The following KLF8 variants were observed in gnomAD, a reference collection of about 807,000 sequenced individuals.
KLF8 encodes the protein Krueppel-like factor 8.
Under a neutral mutation model 18.2 loss-of-function variants are expected in KLF8, and 10 were observed. The observed-to-expected ratio is 0.55, with a 90% CI of 0.34 to 0.93. KLF8 has a LOEUF of 0.93. KLF8 is among the 40% of genes least tolerant of loss of function. The pLI, the probability that KLF8 is intolerant of heterozygous loss-of-function variation, is 0.02. For synonymous variants in KLF8, 109 were observed against 97.3 expected, an observed-to-expected ratio of 1.12 and a Z score of -0.71; for missense variants, 264 against 277.9, an observed-to-expected ratio of 0.95 and a Z score of 0.36.
At chrX:56,187,386 T>C in the KLF8 span, among the ~76,000 whole-genome samples, 1 of 111,443 alleles carries the variant, frequency 9.0e-6, no homozygotes, top group Non-Finnish European at 1.9e-5. Flanking sequence ...AATCAATACC[T>C]TACCAACCAA....
the KLF8 span, among the ~76,000 whole-genome samples, chrX:55,945,030 G>C: frequency 9.0e-6 from 1 of 111,169 alleles, no homozygotes; most frequent in African/African-American, 3.3e-5. Flanking sequence ...GTTATGTTGT[G>C]TCTTTGTTCT....
chrX:56,099,240 G>A, the KLF8 span, among the ~76,000 whole-genome samples: 1 of 111,436 alleles, frequency 9.0e-6, no homozygotes, highest in East Asian at 2.8e-4. Context: ...ACGGTGATCT[G>A]TGGTAATCTT....
At chrX:56,049,797 G>A in the KLF8 span, among the ~76,000 whole-genome samples, 1 of 110,242 alleles carries the variant, frequency 9.1e-6, no homozygotes, top group African/African-American at 3.3e-5. Flanking sequence ...GAGTTAGGGA[G>A]GATTCCCTCT....
the KLF8 span, among the ~76,000 whole-genome samples, chrX:56,082,810 C>A: frequency 0.036 from 4,052 of 111,405 alleles, 565 homozygotes; most frequent in East Asian, 0.64. Flanking sequence ...ATGTTGAATT[C>A]TTGGTTGGCA....
chrX:56,065,464 AT>A, the KLF8 span, among the ~76,000 whole-genome samples: 1 of 111,626 alleles, frequency 9.0e-6, no homozygotes, highest in African/African-American at 3.2e-5. Flanking sequence ...AATATCTTAA[AT>A]TGTTATTTAA....
At chrX:56,270,401 GGGC>G (rs1569188952) in intron 5 of KLF8, 80 bp downstream of exon 5, 82 of 903,092 alleles carry the variant, frequency 9.1e-5, no homozygotes, top group South Asian at 1.2e-4. Context: ...AGAGAGAGAG[GGGC>G]AGAGAGAGAG....
At chrX:56,013,082 C>A in the KLF8 span, among the ~76,000 whole-genome samples, 3 of 112,346 alleles carry the variant, frequency 2.7e-5, no homozygotes, top group Non-Finnish European at 5.6e-5. Flanking sequence ...CTGCAACAAA[C>A]CTAACAAAAA....
chrX:55,962,140 A>G, the KLF8 span: 1 of 150,517 alleles, frequency 6.6e-6, no homozygotes, highest in Non-Finnish European at 1.3e-5. Flanking sequence ...CCCATGTATT[A>G]TAATCCTCCC....
the KLF8 span, among the ~76,000 whole-genome samples, chrX:56,197,055 A>T: frequency 8.9e-6 from 1 of 111,864 alleles, no homozygotes; most frequent in Non-Finnish European, 1.9e-5. Context: ...ATGAGAACAA[A>T]GACACAATGT....
the KLF8 span, among the ~76,000 whole-genome samples, chrX:56,143,369 G>T: frequency 8.9e-6 from 1 of 111,739 alleles, no homozygotes; most frequent in African/African-American, 3.3e-5. Flanking sequence ...CTTTTACCTT[G>T]CTTTTATTTA....
the KLF8 span, among the ~76,000 whole-genome samples, chrX:55,986,811 G>T: frequency 9.0e-6 from 1 of 111,512 alleles, no homozygotes; most frequent in South Asian, 3.7e-4. Context: ...AATGAGTATA[G>T]CACCAGATAC....
the KLF8 span, among the ~76,000 whole-genome samples, chrX:55,964,910 T>TA: frequency 3.6e-5 from 4 of 111,228 alleles, no homozygotes; most frequent in East Asian, 2.8e-4. Context: ...GAATCCCTAA[T>TA]AAAAAATACC....
At chrX:55,939,580 T>A in the KLF8 span, among the ~76,000 whole-genome samples, 1 of 111,065 alleles carries the variant, frequency 9.0e-6, no homozygotes, top group African/African-American at 3.3e-5. Context: ...AATCAATGAA[T>A]CCAGGAGGTG....
chrX:55,967,997 G>T, the KLF8 span, among the ~76,000 whole-genome samples: 1 of 111,391 alleles, frequency 9.0e-6, no homozygotes, highest in South Asian at 3.8e-4. Context: ...AAGCCTTATG[G>T]TAACCTCAAA....
chrX:56,249,961 T>C (rs1318462304), intron 1 of KLF8, among the ~76,000 whole-genome samples: 1 of 111,520 alleles, frequency 9.0e-6, no homozygotes, highest in Non-Finnish European at 1.9e-5. Context: ...GCTATACTGA[T>C]GTTCCTCTGA....
the KLF8 span, among the ~76,000 whole-genome samples, chrX:55,960,466 G>A: frequency 2.7e-5 from 3 of 111,354 alleles, no homozygotes; most frequent in East Asian, 2.8e-4. Context: ...GGTGAGCCAA[G>A]AGCATGCCAT....
At chrX:56,055,606 G>A in the KLF8 span, among the ~76,000 whole-genome samples, 2 of 111,641 alleles carry the variant, frequency 1.8e-5, no homozygotes, top group Admixed American at 1.9e-4. Flanking sequence ...TTGCGTTTTG[G>A]CCTCTCTAGC....
At chrX:56,206,358 G>A in the KLF8 span, among the ~76,000 whole-genome samples, 2 of 111,594 alleles carry the variant, frequency 1.8e-5, no homozygotes, top group African/African-American at 3.3e-5. Context: ...CTGAGACAAG[G>A]CAAGTCCCTT....
the KLF8 span, among the ~76,000 whole-genome samples, chrX:56,003,407 AAAATAAAT>A: frequency 8.3e-4 from 83 of 100,274 alleles, 1 homozygote; most frequent in Middle Eastern, 0.01. Flanking sequence ...GAGACTCCGT[AAAATAAAT>A]AAATAAATAA....
Sources: allele counts gnomAD v4.1 joint callset (sites outside exome capture counted in the v4.1 genomes callset), GRCh38; gene constraint gnomAD v4.1.1; transcripts MANE v1.5; gene names NCBI Gene and HGNC (gene_info 2026-07-23, HGNC 2026-07-21).